Variants in PCDHGB6 observed in about 807,000 individuals in gnomAD.
PCDHGB6 encodes the protein protocadherin gamma-B6.
A neutral mutation model predicts 59.1 loss-of-function variants in PCDHGB6; 51 were observed. That is an observed-to-expected ratio of 0.86 (90% CI 0.69 to 1.09). PCDHGB6 has a LOEUF of 1.09. Ranked by LOEUF, PCDHGB6 falls within the 50% of genes least tolerant of loss-of-function variation. PCDHGB6 has a pLI of 0.00. For synonymous variants in PCDHGB6, 466 were observed against 495.1 expected (o/e 0.94, Z 0.78); for missense variants, 1,148 against 1,205.1 (o/e 0.95, Z 0.70).
Position 141,487,256 on chromosome 5 carries a change from G to T in PCDHGB6, c.2419-7551G>T. On this transcript the variant is annotated intron_variant, in intron 1 of 3. Coordinates refer to ENST00000520790, the MANE Select transcript of PCDHGB6 (RefSeq NM_018926.3). This position sits in a 1 kb window ranked among gnomAD's most constrained non-coding sequence, Gnocchi z 5.0. Reference sequence around the variant, plus strand: ...ATCTCGTCTAACCCTCTACTTGGCTGTGTCCCTAGTGGCAATTTGCTTTGT... The same window carrying T: ...ATCTCGTCTAACCCTCTACTTGGCTTTGTCCCTAGTGGCAATTTGCTTTGT... The T allele has an allele frequency of 2.5e-6, 4 of 1,614,166 alleles. No homozygotes were observed. Among genetic ancestry groups the T allele is most frequent in the Non-Finnish European group, 2.5e-6 (3 of 1,180,032 alleles).
intron 1 of PCDHGB6, among the ~76,000 whole-genome samples, chr5:141,467,955 G>A (rs1049980375): frequency 2.0e-5 from 3 of 151,666 alleles, no homozygotes; most frequent in Non-Finnish European, 2.9e-5. Context: ...CACCACACCC[G>A]GCTGCCAGAA....
chr5:141,413,298 G>A (rs1672233901), intron 1 of PCDHGB6: 3 of 1,613,950 alleles, frequency 1.9e-6, no homozygotes, highest in Non-Finnish European at 2.5e-6. Context: ...CAATTCCTGA[G>A]GAATTAGAGA....
Position 141,490,563 on chromosome 5 carries a change from G to C in PCDHGB6, c.2419-4244G>C. On this transcript the variant is annotated intron_variant, in intron 1 of 3. Coordinates refer to ENST00000520790, the MANE Select transcript of PCDHGB6 (RefSeq NM_018926.3). This position sits in a 1 kb window ranked among gnomAD's most constrained non-coding sequence, Gnocchi z 5.4. ...CCCTACACAAACATCTCACCATCAG[G>C]CTCAACATTTCAGATGTCAATGACA... 1 of 1,614,022 alleles carries C rather than the reference G, an allele frequency of 6.2e-7. No individual in the cohort carries two copies. Among genetic ancestry groups the C allele is most frequent in the Non-Finnish European group, 8.5e-7 (1 of 1,180,008 alleles).
At chr5:141,475,491 C>T (rs1321482409) in intron 1 of PCDHGB6, among the ~76,000 whole-genome samples, 2 of 152,202 alleles carry the variant, frequency 1.3e-5, no homozygotes, top group African/African-American at 4.8e-5. Flanking sequence ...AGAGATAAAA[C>T]TGAAATTATT....
chr5:141,415,533 G>A (rs749139053), intron 1 of PCDHGB6: 11 of 1,614,198 alleles, frequency 6.8e-6, no homozygotes, highest in Non-Finnish European at 6.8e-6. Flanking sequence ...TCATCAGCCA[G>A]GAGAGCTGTG....
intron 1 of PCDHGB6, among the ~76,000 whole-genome samples, chr5:141,469,484 A>AGAATCGCT (rs1279677032): frequency 6.6e-6 from 1 of 152,074 alleles, no homozygotes; most frequent in African/African-American, 2.4e-5. Flanking sequence ...CTGAGGCAGG[A>AGAATCGCT]GAATCGCTTG....
In PCDHGB6 at chr5:141,491,158, GA is replaced by G; in HGVS notation, c.2419-3648del. On this transcript the variant is annotated intron_variant, in intron 1 of 3. Transcript: ENST00000520790. This position sits in a 1 kb window ranked among gnomAD's most constrained non-coding sequence, Gnocchi z 6.9. ...CCGGGCCTTACTGGAGGATGACTCT[GA>G]CACCCAGCAGGTGGTGGTCCTGGTG... 6.2e-7 allele frequency: 1 copy of G among 1,614,130 alleles called. No homozygotes were observed. The highest frequency in any genetic ancestry group is 8.5e-7 in the Non-Finnish European group (1 of 1,179,972).
At position 141,481,036 on chromosome 5, in the gene PCDHGB6, C is replaced by T. The variant is rs1040377549; in HGVS notation, c.2419-13771C>T. Among the ~76,000 whole-genome samples, 19 of 151,964 alleles carry T rather than the reference C, an allele frequency of 1.3e-4. 1 individual carries two copies. The highest frequency in any genetic ancestry group is 3.4e-4 in the African/African-American group (14 of 41,456). ...TCACACCACTGCACTCCAGCCTGGG[C>T]GACAGAGCGAGACTCCACCTCAAAA... is the stretch of plus-strand genomic sequence containing the variant. On this transcript the variant is annotated intron_variant, in intron 1 of 3. Transcript: ENST00000520790.
chr5:141,414,578 A>G, intron 1 of PCDHGB6: 1 of 1,613,960 alleles, frequency 6.2e-7, no homozygotes, highest in Non-Finnish European at 8.5e-7. Context: ...ATCCCAGAGA[A>G]CAACGCCAGG....
chr5:141,472,068 G>C (rs1050927364), intron 1 of PCDHGB6, among the ~76,000 whole-genome samples: 7 of 151,974 alleles, frequency 4.6e-5, no homozygotes, highest in Non-Finnish European at 8.8e-5. Context: ...CATGTCTGTG[G>C]TTATATCAAT....
chr5:141,497,957 A>G (rs2099780682), intron 2 of PCDHGB6, among the ~76,000 whole-genome samples: 1 of 152,242 alleles, frequency 6.6e-6, no homozygotes, highest in Non-Finnish European at 1.5e-5. Flanking sequence ...TCTGTTGGCC[A>G]GGCAGTGTTC....
chr5:141,416,098 G>A (rs745507614), intron 1 of PCDHGB6: 19 of 160,674 alleles, frequency 1.2e-4, no homozygotes, highest in Non-Finnish European at 8.1e-5. Flanking sequence ...AAGGGCAATA[G>A]GCCTTTTTCA....
Position 141,489,140 on chromosome 5 carries a change from G to A in PCDHGB6, c.2419-5667G>A. ...CCTCCGAGCAGTTTTTAAGAGGCTG[G>A]AAGGAGACATAAGAGACTTCAGCTG... is the stretch of plus-strand genomic sequence containing the variant. On this transcript the variant is annotated intron_variant, in intron 1 of 3. Transcript: ENST00000520790. The surrounding 1 kb of genome is among the most constrained non-coding windows in gnomAD (Gnocchi z 4.5). The A allele has an allele frequency of 1.2e-6, 1 of 841,390 alleles. No individual in the cohort carries two copies. Among genetic ancestry groups the A allele is most frequent in the South Asian group, 2.1e-5 (1 of 47,082 alleles). The allele number at this position is 841,390 out of a possible 1,614,324, so 52.1% of individuals were successfully genotyped here.
intron 1 of PCDHGB6, among the ~76,000 whole-genome samples, chr5:141,492,798 C>T (rs1219815576): frequency 6.6e-6 from 1 of 152,250 alleles, no homozygotes; most frequent in Non-Finnish European, 1.5e-5. Flanking sequence ...GACAGCAGGA[C>T]TGGGACTCCA....
At chr5:141,426,916 A>T (rs1227752756) in intron 1 of PCDHGB6, 2 of 456,618 alleles carry the variant, frequency 4.4e-6, no homozygotes, top group Non-Finnish European at 4.4e-6. Context: ...CTGGTCCTGG[A>T]AGCAATGGAC....
Position 141,489,569 on chromosome 5 carries a change from C to T in PCDHGB6, c.2419-5238C>T. On this transcript the variant is annotated intron_variant, in intron 1 of 3. Coordinates refer to ENST00000520790, the MANE Select transcript of PCDHGB6 (RefSeq NM_018926.3). This position sits in a 1 kb window ranked among gnomAD's most constrained non-coding sequence, Gnocchi z 4.5. ...TGCCTGCTGCCAGTGCAGGTGGTGACTGAACACCCCCTGGAGCTAATCCGT... is the reference window on the plus strand; with the variant it reads ...TGCCTGCTGCCAGTGCAGGTGGTGATTGAACACCCCCTGGAGCTAATCCGT... 6.2e-7 allele frequency: 1 copy of T among 1,614,024 alleles called. No homozygotes were observed. The highest frequency in any genetic ancestry group is 2.2e-5 in the East Asian group (1 of 44,870).
Position 141,408,974 on chromosome 5 carries a change from G to T in PCDHGB6, c.772G>T (p.Gly258Trp), listed in dbSNP as rs899313364. 6.2e-7 allele frequency: 1 copy of T among 1,613,690 alleles called. No homozygotes were observed. Among genetic ancestry groups the T allele is most frequent in the South Asian group, 1.1e-5 (1 of 91,074 alleles). The change falls in exon 1 of 4, where the codon GGG becomes TGG. Residue 258 changes from glycine to tryptophan, a missense_variant. Transcript: ENST00000520790. The part of the protein sequence containing the change: ...RISLSENLPP[G>W]SPVLQVTATD... ...TAGTCTTAGTGAAAATCTGCCCCCTGGGTCCCCTGTGTTGCAAGTGACAGC... is the reference window on the plus strand; with the variant it reads ...TAGTCTTAGTGAAAATCTGCCCCCTTGGTCCCCTGTGTTGCAAGTGACAGC...
intron 1 of PCDHGB6, chr5:141,479,563 G>A (rs1469231382): frequency 2.6e-5 from 4 of 152,206 alleles, no homozygotes; most frequent in Admixed American, 2.0e-4. Context: ...ATCCAGTAGT[G>A]GGATGACATC....
At chr5:141,422,138 T>G (rs1201680879) in intron 1 of PCDHGB6, 1 of 1,587,640 alleles carries the variant, frequency 6.3e-7, no homozygotes, top group Admixed American at 1.9e-5. Context: ...GAAGTTCAAG[T>G]ACGGGGGTCT....
Sources: gnomAD v4.1 joint callset for allele counts (sites outside exome capture counted in the v4.1 genomes callset) on GRCh38, gnomAD v4.1.1 for gene constraint, Gnocchi (gnomAD v3.1) non-coding constraint, MANE v1.5 for transcripts, NCBI Gene and HGNC (gene_info 2026-07-23, HGNC 2026-07-21) for gene names.